Variants in AMY2B observed in about 807,000 individuals in gnomAD.
AMY2B encodes alpha-amylase 2B.
Under a neutral mutation model 59.3 loss-of-function variants are expected in AMY2B, and 63 were observed. The ratio of observed to expected loss-of-function variants is 1.06; its 90% CI spans 0.87 to 1.31. The LOEUF is 1.31. Among genes scored for constraint, AMY2B ranks in the 50% most tolerant of loss-of-function variants. The pLI is 0.00. For missense variants in AMY2B, 635 were observed against 626.7 expected (o/e 1.01, Z -0.14); for synonymous variants, 180 against 198.1 (o/e 0.91, Z 0.77).
At chr1:103,575,395 A>C in intron 6 of AMY2B, 46 bp from the exon 7 acceptor site, 1 of 1,613,098 alleles carries the variant, frequency 6.2e-7, no homozygotes, top group Non-Finnish European at 8.5e-7. Flanking sequence ...TAATGATGGT[A>C]ATGATATTCT....
At chr1:103,575,686 T>G in intron 7 of AMY2B, 146 bp downstream of exon 7, 1 of 1,223,688 alleles carries the variant, frequency 8.2e-7, no homozygotes, top group Non-Finnish European at 1.1e-6. Context: ...GTAATGCAGG[T>G]TATATTAAAG....
intron 9 of AMY2B, 56 bp from the exon 10 acceptor site, chr1:103,579,255 G>A: frequency 6.2e-7 from 1 of 1,611,224 alleles, no homozygotes; most frequent in East Asian, 2.2e-5. Context: ...AGTTGTGTTA[G>A]CCTGTATTCT....
chr1:103,567,389 A>G (rs547377735), upstream of AMY2B, among the ~76,000 whole-genome samples: 3 of 152,326 alleles, frequency 2.0e-5, no homozygotes, highest in East Asian at 3.9e-4. Flanking sequence ...TAAGATCCAC[A>G]GCTCTCCTGA....
upstream of AMY2B, chr1:103,570,439 C>T (rs899881163): frequency 2.9e-5 from 24 of 835,912 alleles, no homozygotes; most frequent in African/African-American, 1.5e-4. Flanking sequence ...TAGGCCAACA[C>T]GGTGCTATCT....
upstream of AMY2B, chr1:103,569,722 G>A (rs1049000108): frequency 5.0e-6 from 2 of 401,726 alleles, no homozygotes; most frequent in South Asian, 4.2e-5. Context: ...GGGCTACATG[G>A]CTGAGAGCAA....
In AMY2B at chr1:103,573,094, A is replaced by G. The variant is rs775566780; in HGVS notation, c.347A>G (p.His116Arg). The stretch of plus-strand genomic sequence containing the variant: ...ATTTATGTGGATGCTGTAATTAATC[A>G]TATGTCTGGTAATGCTGTGAGTGCA... ...VRIYVDAVIN[H>R]MSGNAVSAGT... Residue 116 changes from histidine (H) to arginine (R), a missense_variant, in exon 3 of 10, where the codon CAT becomes CGT. His to Arg is a conservative substitution (Grantham distance 29). Transcript: ENST00000684275. The G allele has an allele frequency of 6.8e-6, 11 of 1,613,632 alleles. No individual in the cohort carries two copies. Among genetic ancestry groups the G allele is most frequent in the South Asian group, 5.5e-5 (5 of 91,078 alleles).
At chr1:103,574,570 TA>T in intron 5 of AMY2B, among the ~76,000 whole-genome samples, 177 bp downstream of exon 5, 1 of 152,284 alleles carries the variant, frequency 6.6e-6, no homozygotes, top group African/African-American at 2.4e-5. Flanking sequence ...TTAGAGTGTC[TA>T]TCACAAGTGA....
At chr1:103,568,755 A>G (rs1296026946), upstream of AMY2B, 1 of 151,604 alleles carries the variant, frequency 6.6e-6, no homozygotes, top group East Asian at 1.9e-4. Flanking sequence ...CACATATATA[A>G]AGACTATATA....
upstream of AMY2B, among the ~76,000 whole-genome samples, chr1:103,567,366 A>G (rs1651943943): frequency 6.6e-6 from 1 of 152,176 alleles, no homozygotes; most frequent in African/African-American, 2.4e-5. Context: ...ATCAGGATCG[A>G]CAGTGGAATA....
At chr1:103,577,457 T>G (rs1290189591) in intron 7 of AMY2B, 33 bp from the exon 8 acceptor site, 2 of 1,611,658 alleles carry the variant, frequency 1.2e-6, no homozygotes, top group Non-Finnish European at 8.5e-7. Flanking sequence ...AATATATGTA[T>G]GTTAAAATTT....
intron 4 of AMY2B, 96 bp downstream of exon 4, chr1:103,574,034 T>A: frequency 1.3e-6 from 2 of 1,590,548 alleles, no homozygotes; most frequent in Non-Finnish European, 1.7e-6. Flanking sequence ...GGATAAGGAC[T>A]GAGTCATTTA....
intron 7 of AMY2B, among the ~76,000 whole-genome samples, chr1:103,577,045 G>C (rs1400372693): frequency 6.6e-6 from 1 of 152,124 alleles, no homozygotes; most frequent in African/African-American, 2.4e-5. Flanking sequence ...GACCTATCTG[G>C]GCAAGCTAGC....
intron 1 of AMY2B, among the ~76,000 whole-genome samples, chr1:103,555,642 A>G (rs914514630): frequency 5.9e-5 from 9 of 152,200 alleles, no homozygotes; most frequent in African/African-American, 2.2e-4. Flanking sequence ...ATACGTAGGA[A>G]AACATTCTTT....
At chr1:103,566,932 C>A (rs1320811449), upstream of AMY2B, among the ~76,000 whole-genome samples, 1 of 151,952 alleles carries the variant, frequency 6.6e-6, no homozygotes, top group Admixed American at 6.6e-5. Flanking sequence ...CATGTTATAG[C>A]CATTTATTGA....
intron 1 of AMY2B, among the ~76,000 whole-genome samples, chr1:103,559,143 C>A (rs1651655705): frequency 6.6e-6 from 1 of 152,162 alleles, no homozygotes; most frequent in African/African-American, 2.4e-5. Context: ...CAAATAATCA[C>A]TTTAAAACTT....
rs1477892026 is a variant in AMY2B at position 103,562,731 on chromosome 1, C to G, written c.-206-2704C>G. 4.7e-5 allele frequency among the ~76,000 whole-genome samples: 6 copies of G among 127,590 alleles called. No individual in the cohort carries two copies. In the East Asian group the frequency reaches 1.5e-3, roughly 31 times the overall value. The allele number at this position is 127,590 out of a possible 152,430, so 83.7% of individuals were successfully genotyped here. A position where few individuals can be genotyped will look rare whatever the true frequency, so the allele number is the denominator to read the frequency against. On this transcript the variant is annotated intron_variant, in intron 1 of 11. Transcript: ENST00000361355. ...TTTGCATGTTAAAAAACTATAATAT[C>G]TGGTATAAATGTGAGGCTACTTTGG...
At chr1:103,578,222 G>T (rs192563265) in intron 9 of AMY2B, among the ~76,000 whole-genome samples, 1 of 152,228 alleles carries the variant, frequency 6.6e-6, no homozygotes, top group East Asian at 1.9e-4. Context: ...GAAAAATGCT[G>T]CCTGAGTACT....
chr1:103,579,404 TAA>T lies in AMY2B; in HGVS notation c.1443_1444del (p.Lys481AsnfsTer5). ...DKINGNCTGI[K>X]IYVSDDGKAH... ...AAATTAATGGCAATTGCACAGGCAT[TAA>T]AATCTACGTTTCTGACGATGGCAAA... On this transcript the variant is annotated frameshift_variant, in exon 10 of 10. Transcript: ENST00000684275. LOFTEE classifies it low-confidence loss of function (END_TRUNC). The T allele has an allele frequency of 6.2e-7, 1 of 1,611,838 alleles. No individual in the cohort carries two copies. The highest frequency in any genetic ancestry group is 2.2e-5 in the East Asian group (1 of 44,852).
rs1249029732 is a variant in AMY2B at position 103,579,517 on chromosome 1, C to A, written c.*17C>A. 6.2e-7 allele frequency: 1 copy of A among 1,607,076 alleles called. No individual in the cohort carries two copies. The highest frequency in any genetic ancestry group is 1.1e-5 in the South Asian group (1 of 89,794). ...AAATTATAAAATTTAAAATTAAATG[C>A]ATATCCTCAAAACAATAGCCAAGTG... On this transcript the variant is annotated 3_prime_UTR_variant, in exon 10 of 10. Transcript: ENST00000684275.
Sources: allele counts gnomAD v4.1 joint callset (sites outside exome capture counted in the v4.1 genomes callset), GRCh38; gene constraint gnomAD v4.1.1; transcripts MANE v1.5; gene names NCBI Gene and HGNC (gene_info 2026-07-23, HGNC 2026-07-21).